NEB: variants seen among roughly 807,000 people sequenced by gnomAD.
The protein encoded by NEB is nemaline myopathy type 2.
A neutral mutation model predicts 952.2 loss-of-function variants in NEB; 512 were observed. That is an observed-to-expected ratio of 0.54 (90% CI 0.50 to 0.58). The LOEUF (loss-of-function observed/expected upper bound fraction) is 0.58, where lower values mean the gene tolerates loss of function less well. NEB is among the 20% of genes least tolerant of loss of function. The pLI is 0.00. For missense variants in NEB, 8,428 were observed against 9,231.1 expected, an observed-to-expected ratio of 0.91 and a Z score of 3.56; for synonymous variants, 2,900 against 3,149.8, an observed-to-expected ratio of 0.92 and a Z score of 2.66.
intron 110 of NEB, among the ~76,000 whole-genome samples, 170 bp downstream of exon 110, chr2:151,569,098 G>T (rs961396665): frequency 5.3e-5 from 8 of 152,156 alleles, no homozygotes; most frequent in Non-Finnish European, 1.2e-4. Context: ...TATGGATGTG[G>T]TCCCATAATG....
In NEB at chr2:151,666,264, T is replaced by C. The variant is rs1313191028; in HGVS notation, c.4857A>G (p.Glu1619=). The part of the protein sequence containing the change: ...QSDREYKKGY[E]ASKTKYHTPL... The stretch of plus-strand genomic sequence containing the variant: ...GTGTGTGGTACTTGGTCTTGCTGGC[T>C]TCATAGCCCTTTTTGTACTCACGAT... The change falls in exon 41 of 182, where the codon GAA becomes GAG. Residue 1619 remains glutamate, a synonymous_variant. Coordinates refer to ENST00000397345, the MANE Select transcript of NEB (RefSeq NM_001164508.2). 1 of 1,613,946 alleles carries C rather than the reference T, an allele frequency of 6.2e-7. No individual in the cohort carries two copies. The highest frequency in any genetic ancestry group is 8.5e-7 in the Non-Finnish European group (1 of 1,179,860).
intron 10 of NEB, among the ~76,000 whole-genome samples, chr2:151,717,191 C>T (rs935313235): frequency 1.3e-5 from 2 of 152,240 alleles, no homozygotes; most frequent in African/African-American, 4.8e-5. Flanking sequence ...GTGATTTTCA[C>T]ATTTATCAAT....
chr2:151,626,930 T>C (rs2154057464), intron 70 of NEB, 72 bp downstream of exon 70: 1 of 1,540,852 alleles, frequency 6.5e-7, no homozygotes, highest in Non-Finnish European at 8.9e-7. Context: ...AAAAAGAGAC[T>C]AACTTAATTA....
rs1194302071 is a variant in NEB at position 151,610,788 on chromosome 2, T to G, written c.11884A>C (p.Lys3962Gln). ...MPDTPDILLA[K>Q]SNSANISQKL... Reference sequence around the variant, plus strand: ...TGGCTGATATTGGCAGAATTACTCTTGGCCAGCAGGATATCTGGGGTGTCT... The same window carrying G: ...TGGCTGATATTGGCAGAATTACTCTGGGCCAGCAGGATATCTGGGGTGTCT... Residue 3962 changes from lysine to glutamine, a missense_variant, in exon 79 of 182, where the codon AAG (lysine) becomes CAG (glutamine). Physicochemically the swap from Lys to Gln is moderately conservative, Grantham distance 53 (BLOSUM62 1). Coordinates refer to ENST00000397345, the MANE Select transcript of NEB (RefSeq NM_001164508.2). 2 of 1,609,190 alleles carry G rather than the reference T, an allele frequency of 1.2e-6. No individual in the cohort carries two copies. The highest frequency in any genetic ancestry group is 1.7e-6 in the Non-Finnish European group (2 of 1,177,488).
At chr2:151,707,084 T>C (rs1377728288) in intron 12 of NEB, 87 bp from the exon 13 acceptor site, 13 of 797,442 alleles carry the variant, frequency 1.6e-5, no homozygotes, top group Non-Finnish European at 2.5e-5. Flanking sequence ...CTTCCACAAA[T>C]CAATTTTCTC....
At chr2:151,644,257 G>T in intron 56 of NEB, 128 bp from the exon 57 acceptor site, 1 of 1,333,722 alleles carries the variant, frequency 7.5e-7, no homozygotes, top group Non-Finnish European at 1.0e-6. Flanking sequence ...TCAGTCTTTT[G>T]ATAAGAAAGA....
rs202034435 is a variant in NEB at position 151,514,849 on chromosome 2, T to C, written c.22985A>G (p.His7662Arg). 3 of 1,585,398 alleles carry C rather than the reference T, an allele frequency of 1.9e-6. No homozygotes were observed. The highest frequency in any genetic ancestry group is 4.5e-5 in the East Asian group (2 of 44,128). ...TGCTATTTTAGTTGCATATTTGACA[T>C]GTAACAAAGCTGGCGTGACCTCCAG... ...TGLEVTPALLHVKYATKIASE... is the reference protein window; with the variant it reads ...TGLEVTPALLRVKYATKIASE... Residue 7662 changes from histidine to arginine, a missense_variant, in exon 158 of 182, where the codon CAT becomes CGT. His to Arg is a conservative substitution (Grantham distance 29, BLOSUM62 0). This residue lies in a region of NEB where 3,374 missense variants were observed against 3,651.5 expected (regional missense o/e 0.92). Transcript: ENST00000397345.
intron 40 of NEB, 85 bp downstream of exon 40, chr2:151,667,719 C>T (rs946403416): frequency 4.2e-6 from 4 of 957,580 alleles, no homozygotes; most frequent in Admixed American, 4.9e-5. Flanking sequence ...TCTGTAGAGA[C>T]AGGGTCTTGC....
rs538050592 is a variant in NEB at position 151,574,780 on chromosome 2, G to C, written c.17013+915C>G. The stretch of plus-strand genomic sequence containing the variant: ...AGGGTCTTGCCCTGTCACCCAGGCT[G>C]GACTGCAGTGGCATGATTATGGCTC... On this transcript the variant is annotated intron_variant, in intron 107 of 181. Coordinates refer to ENST00000397345, the MANE Select transcript of NEB (RefSeq NM_001164508.2). Among the ~76,000 whole-genome samples the C allele has an allele frequency of 4.2e-3, 618 of 147,684 alleles. 1 individual carries two copies. Among genetic ancestry groups the C allele is most frequent in the Non-Finnish European group, 6.2e-3 (410 of 65,842 alleles).
At chr2:151,664,170 T>A (rs2099180060) in intron 44 of NEB, among the ~76,000 whole-genome samples, 1 of 152,196 alleles carries the variant, frequency 6.6e-6, no homozygotes, top group Non-Finnish European at 1.5e-5. Flanking sequence ...GCAGGCAGGA[T>A]TTCTCATGGT....
At chr2:151,676,367 C>T (rs890290531) in intron 34 of NEB, among the ~76,000 whole-genome samples, 2 of 152,164 alleles carry the variant, frequency 1.3e-5, no homozygotes, top group Non-Finnish European at 2.9e-5. Flanking sequence ...CCTTGGATTT[C>T]GGTGACAGCC....
At position 151,540,420 on chromosome 2, in the gene NEB, A is replaced by C. The variant is rs975665730; in HGVS notation, c.20816T>G (p.Met6939Arg). 1.3e-6 allele frequency: 2 copies of C among 1,572,400 alleles called. No homozygotes were observed. The highest frequency in any genetic ancestry group is 2.7e-5 in the African/African-American group (2 of 74,244). Reference sequence around the variant, plus strand: ...TGGAACCGGAGTGTACTTGTCTTTCATCTTTTCATATTGAATCTTGTACTT... The same window carrying C: ...TGGAACCGGAGTGTACTTGTCTTTCCTCTTTTCATATTGAATCTTGTACTT... ...EKKYKIQYEK[M>R]KDKYTPVPDT... Residue 6939 changes from methionine (M) to arginine (R), a missense_variant, in exon 138 of 182, where the codon ATG (methionine) becomes AGG (arginine). Met to Arg is a moderately conservative substitution (Grantham distance 91). Around this residue, in one of 11 missense-constraint regions of NEB, gnomAD observed 3,374 missense variants for 3,651.5 expected, o/e 0.92. Transcript: ENST00000397345.
chr2:151,693,781 G>T (rs2099575846), intron 20 of NEB, among the ~76,000 whole-genome samples: 1 of 152,060 alleles, frequency 6.6e-6, no homozygotes, highest in African/African-American at 2.4e-5. Flanking sequence ...TAATGGGATT[G>T]CTGGGTCATA....
chr2:151,667,016 T>C lies in NEB; in HGVS notation c.4720-615A>G, dbSNP rs72863280. 5.7e-3 allele frequency among the ~76,000 whole-genome samples: 860 copies of C among 152,100 alleles called. 3 individuals are homozygous for C. Among genetic ancestry groups the C allele is most frequent in the Non-Finnish European group, 1.0e-2 (678 of 67,988 alleles). ...TCAAGGCATTTATTATGTCAATTCA[T>C]ATAGGAATATAACTTAATTTGTAAA... On this transcript the variant is annotated intron_variant, in intron 40 of 181. Coordinates refer to ENST00000397345, the MANE Select transcript of NEB (RefSeq NM_001164508.2).
chr2:151,527,386 T>C, intron 147 of NEB, 95 bp downstream of exon 147: 2 of 1,047,254 alleles, frequency 1.9e-6, no homozygotes, highest in Non-Finnish European at 2.8e-6. Flanking sequence ...CGAGCAAGGG[T>C]TAACACTCAT....
chr2:151,546,046 A>G (rs1196985339), intron 134 of NEB, 48 bp from the exon 135 acceptor site: 2 of 1,175,264 alleles, frequency 1.7e-6, no homozygotes, highest in Admixed American at 2.0e-5. Flanking sequence ...TAATCATTTA[A>G]GGGATTCATG....
rs2097910261 is a variant in NEB, at chr2:151,610,520, C to G, written c.12014G>C (p.Ser4005Thr). 3 of 1,605,752 alleles carry G rather than the reference C, an allele frequency of 1.9e-6. No individual in the cohort carries two copies. In the East Asian group the frequency reaches 6.7e-5, roughly 36 times the overall value. ...KSAKASRDIA[S>T]DYKYKEAYEK... ...AGTTAGATGGAAGGTACTCACGTCA[C>G]TGGCGATGTCCCTGGAGGCCTTGGC... Residue 4005 changes from serine to threonine, a missense_variant, in exon 80 of 182, where the codon AGT becomes ACT. Around this residue, in one of 11 missense-constraint regions of NEB, gnomAD observed 337 missense variants for 297.5 expected, o/e 1.13. Transcript: ENST00000397345.
chr2:151,636,319 C>A lies in NEB; in HGVS notation c.9010G>T (p.Ala3004Ser). 1.9e-6 allele frequency: 3 copies of A among 1,606,000 alleles called. No homozygotes were observed. The highest frequency in any genetic ancestry group is 2.5e-6 in the Non-Finnish European group (3 of 1,179,308). Residue 3004 changes from alanine to serine, a missense_variant, in exon 64 of 182, where the codon GCT becomes TCT. Coordinates refer to ENST00000397345, the MANE Select transcript of NEB (RefSeq NM_001164508.2). Reference protein sequence around the residue: ...INYSESLYKLANEEAKKKGYD... With the variant: ...INYSESLYKLSNEEAKKKGYD... ...CCTTTCTTCTTTGCTTCTTCATTAG[C>A]AAGTTTGTACAGACTCTAAATTTGG...
chr2:151,627,933 C>T, intron 68 of NEB, 99 bp from the exon 69 acceptor site: 1 of 1,422,490 alleles, frequency 7.0e-7, no homozygotes, highest in South Asian at 1.4e-5. Context: ...CTAATTCTTG[C>T]AGAGTAATGA....
Sources: gnomAD v4.1 joint callset for allele counts (sites outside exome capture counted in the v4.1 genomes callset) on GRCh38, gnomAD v4.1.1 for gene constraint, gnomAD v4.1.1 regional missense constraint, MANE v1.5 for transcripts, NCBI Gene and HGNC (gene_info 2026-07-23, HGNC 2026-07-21) for gene names.